EPM2A: variants seen among roughly 807,000 people sequenced by gnomAD.
The protein encoded by EPM2A is EPM2A glucan phosphatase, laforin, also known as laforin.
EPM2A carries 21 observed loss-of-function variants against 26.5 expected under a neutral mutation model. The ratio of observed to expected loss-of-function variants is 0.79; its 90% confidence interval spans 0.56 to 1.14. The LOEUF (loss-of-function observed/expected upper bound fraction) is 1.14, where lower values mean the gene tolerates loss of function less well. Ranked by LOEUF, EPM2A falls within the 50% of genes most tolerant of loss-of-function variation. EPM2A has a pLI of 0.00. For missense variants in EPM2A, 458 were observed against 440.8 expected, an observed-to-expected ratio of 1.04 and a Z score of -0.35; for synonymous variants, 217 against 177.6, an observed-to-expected ratio of 1.22 and a Z score of -1.76.
At chr6:145,672,908 G>A (rs1779753136) in intron 2 of EPM2A, among the ~76,000 whole-genome samples, 2 of 152,040 alleles carry the variant, frequency 1.3e-5, no homozygotes. Flanking sequence ...ATCTAAATAG[G>A]GCAGTCAGAT....
intron 2 of EPM2A, among the ~76,000 whole-genome samples, chr6:145,591,614 G>A (rs1450152238): frequency 6.6e-6 from 1 of 152,082 alleles, no homozygotes; most frequent in Admixed American, 6.6e-5. Context: ...TCTTTAAAAA[G>A]TGAAGGAGAA....
In EPM2A at chr6:145,609,414, A is replaced by G. The variant is rs1046240353; in HGVS notation, c.340+25831T>C. Among the ~76,000 whole-genome samples the G allele has an allele frequency of 5.8e-4, 88 of 152,342 alleles. 1 individual carries two copies. Among genetic ancestry groups the G allele is most frequent in the Non-Finnish European group, 5.9e-5 (4 of 68,036 alleles). ...TTTAACGTGTTCACAAAGAATTGTGAGTAAAAATTTCACATGGAAGGTACA... is the reference window on the plus strand; with the variant it reads ...TTTAACGTGTTCACAAAGAATTGTGGGTAAAAATTTCACATGGAAGGTACA... On this transcript the variant is annotated intron_variant, in intron 2 of 3. Transcript: ENST00000450221.
intron 4 of EPM2A, among the ~76,000 whole-genome samples, chr6:145,442,412 C>A (rs556223587): frequency 3.3e-5 from 5 of 152,250 alleles, no homozygotes; most frequent in South Asian, 2.1e-4. Context: ...GCTGAGGAAG[C>A]CTCACAATCA....
At chr6:145,646,788 T>A (rs1166010102) in intron 2 of EPM2A, among the ~76,000 whole-genome samples, 1 of 152,084 alleles carries the variant, frequency 6.6e-6, no homozygotes, top group African/African-American at 2.4e-5. Context: ...CTCCTGCCTA[T>A]CCCATTAGAG....
At chr6:145,694,328 T>C (rs1225415104) in intron 1 of EPM2A, among the ~76,000 whole-genome samples, 1 of 152,032 alleles carries the variant, frequency 6.6e-6, no homozygotes, top group Non-Finnish European at 1.5e-5. Context: ...AAACATGATA[T>C]AGTCATTACA....
chr6:145,434,266 C>T (rs1259044768), intron 4 of EPM2A, among the ~76,000 whole-genome samples: 8 of 141,218 alleles, frequency 5.7e-5, no homozygotes, highest in African/African-American at 2.1e-4. Flanking sequence ...CTCTCTCTCT[C>T]TTTTTTTTTT....
intron 2 of EPM2A, among the ~76,000 whole-genome samples, chr6:145,516,581 G>A (rs533070732): frequency 6.6e-6 from 1 of 152,270 alleles, no homozygotes; most frequent in African/African-American, 2.4e-5. Context: ...ATAGTTTTAA[G>A]TGCATCTCAT....
rs149114587 is a variant in EPM2A, at chr6:145,417,228, T to C, written c.556-33131A>G. ...TGGCTCCTACTTAGCTTTCCTAGCC[T>C]GTGTGACTCTTTGGGTTTTCAGTAG... On this transcript the variant is annotated intron_variant, in intron 4 of 4. Coordinates refer to the EPM2A transcript ENST00000638717. 2.1e-3 allele frequency among the ~76,000 whole-genome samples: 325 copies of C among 152,346 alleles called. 3 individuals carry two copies. The highest frequency in any genetic ancestry group is 7.3e-3 in the African/African-American group (302 of 41,594).
chr6:145,685,999 A>G, intron 2 of EPM2A, 123 bp downstream of exon 2: 1 of 806,880 alleles, frequency 1.2e-6, no homozygotes, highest in South Asian at 1.4e-5. Context: ...TCCTCAAAGT[A>G]CTACAGGCCT....
intron 2 of EPM2A, among the ~76,000 whole-genome samples, chr6:145,555,813 A>C (rs1780720984): frequency 6.6e-6 from 1 of 152,006 alleles, no homozygotes; most frequent in African/African-American, 2.4e-5. Flanking sequence ...TCTCTCATCT[A>C]TTCCACACAC....
At chr6:145,547,451 G>A (rs986734939) in intron 2 of EPM2A, among the ~76,000 whole-genome samples, 1 of 152,106 alleles carries the variant, frequency 6.6e-6, no homozygotes, top group Non-Finnish European at 1.5e-5. Flanking sequence ...TAAGCAAAGT[G>A]CATCAGCTGA....
intron 2 of EPM2A, among the ~76,000 whole-genome samples, chr6:145,652,133 C>T (rs74693501): frequency 0.023 from 3,429 of 152,186 alleles, 48 homozygotes; most frequent in Admixed American, 0.031. Flanking sequence ...GTTTTTCCAT[C>T]GTGTTTTAAC....
At chr6:145,434,266 C>G (rs1259044768) in intron 4 of EPM2A, among the ~76,000 whole-genome samples, 1 of 141,224 alleles carries the variant, frequency 7.1e-6, no homozygotes, top group Non-Finnish European at 1.6e-5. Flanking sequence ...CTCTCTCTCT[C>G]TTTTTTTTTT....
Position 145,670,600 on chromosome 6 carries a change from A to G in EPM2A, c.476+15522T>C, listed in dbSNP as rs907374768. ...GCTGATAGGTTCTAAATGACTCTTAAGAAACAAGAATTAAGGGACTATGCT... is the reference window on the plus strand; with the variant it reads ...GCTGATAGGTTCTAAATGACTCTTAGGAAACAAGAATTAAGGGACTATGCT... On this transcript the variant is annotated intron_variant, in intron 2 of 3. Coordinates refer to ENST00000367519, the MANE Select transcript of EPM2A (RefSeq NM_005670.4). Among the ~76,000 whole-genome samples, 68 of 152,194 alleles carry G rather than the reference A, an allele frequency of 4.5e-4. 1 individual carries two copies. The highest frequency in any genetic ancestry group is 1.6e-3 in the African/African-American group (68 of 41,448).
intron 2 of EPM2A, among the ~76,000 whole-genome samples, chr6:145,672,258 C>T (rs1779699454): frequency 1.3e-5 from 2 of 152,026 alleles, no homozygotes; most frequent in South Asian, 2.1e-4. Flanking sequence ...AAATTGATTC[C>T]ACACATCTAG....
At chr6:145,692,364 C>A (rs1781331323) in intron 1 of EPM2A, among the ~76,000 whole-genome samples, 1 of 151,950 alleles carries the variant, frequency 6.6e-6, no homozygotes, top group Admixed American at 6.6e-5. Flanking sequence ...CATCAACCAA[C>A]ATTATCTAGT....
intron 2 of EPM2A, among the ~76,000 whole-genome samples, chr6:145,663,427 C>T (rs938073000): frequency 1.2e-4 from 18 of 152,168 alleles, no homozygotes; most frequent in Admixed American, 2.0e-4. Context: ...CGAAGCAGGG[C>T]GAGGCATTGC....
At chr6:145,564,784 A>AGGGG (rs1780857181) in intron 2 of EPM2A, among the ~76,000 whole-genome samples, 1 of 110,288 alleles carries the variant, frequency 9.1e-6, no homozygotes, top group African/African-American at 3.9e-5. Context: ...GGGGGGGGGC[A>AGGGG]GGGGGTGTGG....
In EPM2A at chr6:145,686,687, G is replaced by A. The variant is rs76887073; in HGVS notation, c.302-391C>T. On this transcript the variant is annotated intron_variant, in intron 1 of 3. Transcript: ENST00000367519. ...CTATCTTTCTGGTATGCAAATTTAC[G>A]AATAAAATCAGGAATAAAGTGTTGT... Among the ~76,000 whole-genome samples the A allele has an allele frequency of 1.3e-3, 203 of 152,084 alleles. 2 individuals carry two copies. The East Asian group carries it at 0.035, about 26-fold the overall frequency.
Sources: gnomAD v4.1 joint callset for allele counts (sites outside exome capture counted in the v4.1 genomes callset) on GRCh38, gnomAD v4.1.1 for gene constraint, MANE v1.5 for transcripts, NCBI Gene and HGNC (gene_info 2026-07-23, HGNC 2026-07-21) for gene names.